FBXL17: variants seen among roughly 807,000 people sequenced by gnomAD.
FBXL17 encodes F-box/LRR-repeat protein 17.
In FBXL17, 22 loss-of-function variants were observed where a neutral mutation model predicts 66.2. That is an observed-to-expected ratio of 0.33 (90% CI 0.24 to 0.47). FBXL17 has a LOEUF of 0.47. Ranked by LOEUF, FBXL17 falls within the 20% of genes least tolerant of loss-of-function variation. The pLI, the probability that FBXL17 is intolerant of heterozygous loss-of-function variation, is 1.00. For missense variants in FBXL17, 878 were observed against 948.2 expected (o/e 0.93, Z 0.97); for synonymous variants, 474 against 400.5 (o/e 1.18, Z -2.19).
chr5:108,276,863 G>C (rs1005209879), intron 4 of FBXL17, among the ~76,000 whole-genome samples: 1 of 151,974 alleles, frequency 6.6e-6, no homozygotes, highest in African/African-American at 2.4e-5. Flanking sequence ...GTCAGAAACA[G>C]AAAATTTCCA....
At chr5:108,327,019 C>A (rs967502734) in intron 4 of FBXL17, among the ~76,000 whole-genome samples, 2 of 152,144 alleles carry the variant, frequency 1.3e-5, no homozygotes, top group African/African-American at 4.8e-5. Flanking sequence ...AAGACTGGTT[C>A]ATGTATGTTC....
At chr5:108,319,699 A>G (rs1759529919) in intron 4 of FBXL17, among the ~76,000 whole-genome samples, 1 of 151,756 alleles carries the variant, frequency 6.6e-6, no homozygotes, top group South Asian at 2.1e-4. Flanking sequence ...ATCTCTCAGA[A>G]AAAAATAAAA....
intron 7 of FBXL17, among the ~76,000 whole-genome samples, chr5:107,919,863 A>G (rs1472491631): frequency 6.6e-6 from 1 of 152,192 alleles, no homozygotes; most frequent in East Asian, 1.9e-4. Flanking sequence ...TACTGACACT[A>G]GAATGCAAGT....
intron 4 of FBXL17, among the ~76,000 whole-genome samples, chr5:108,224,528 TACACACACACACAC>T (rs138044828): frequency 6.8e-6 from 1 of 147,258 alleles, no homozygotes; most frequent in Non-Finnish European, 1.5e-5. Flanking sequence ...TGTATATGTA[TACACACACACACAC>T]ACACACACAC....
At chr5:108,304,864 TG>T (rs1171273506) in intron 4 of FBXL17, among the ~76,000 whole-genome samples, 18 of 152,022 alleles carry the variant, frequency 1.2e-4, no homozygotes. Context: ...ACCTCTTCCT[TG>T]TCCTTCTCTA....
chr5:108,099,620 A>C (rs1421022499), intron 6 of FBXL17, among the ~76,000 whole-genome samples: 2 of 152,164 alleles, frequency 1.3e-5, no homozygotes, highest in African/African-American at 4.8e-5. Flanking sequence ...CCTTGGCCTC[A>C]ACTTACCATC....
At chr5:107,897,389 A>G (rs1749419025) in intron 7 of FBXL17, among the ~76,000 whole-genome samples, 1 of 152,174 alleles carries the variant, frequency 6.6e-6, no homozygotes, top group Non-Finnish European at 1.5e-5. Context: ...GAGCCTTGAA[A>G]GGAAAAGATG....
chr5:108,131,958 T>C (rs143909618), intron 6 of FBXL17, among the ~76,000 whole-genome samples: 89 of 151,152 alleles, frequency 5.9e-4, no homozygotes, highest in African/African-American at 2.1e-3. Context: ...TGAATTATAT[T>C]AACCTTGACT....
intron 7 of FBXL17, among the ~76,000 whole-genome samples, chr5:108,014,714 A>ACC (rs1352094501): frequency 1.3e-5 from 2 of 152,158 alleles, no homozygotes; most frequent in Non-Finnish European, 2.9e-5. Context: ...TTGGGTGAAA[A>ACC]ATCATTTCCA....
chr5:108,035,379 T>A (rs191911840), intron 6 of FBXL17, among the ~76,000 whole-genome samples: 219 of 152,174 alleles, frequency 1.4e-3, no homozygotes, highest in Admixed American at 3.1e-3. Flanking sequence ...GTTTTTTTCT[T>A]TTCTGAGATG....
Position 108,381,426 on chromosome 5 carries a change from C to T in FBXL17, c.266G>A (p.Gly89Glu). The change falls in exon 1 of 9, where the codon GGG (glycine) becomes GAG (glutamate). Residue 89 changes from glycine to glutamate, a missense_variant. By Grantham distance (98) the Gly-to-Glu change is moderately conservative. Transcript: ENST00000542267. Reference sequence around the variant, plus strand: ...AGAGGAGGAGGCGGCAGCGTAGGCCCCGTCCCGCGGCGGCGGCGAGAGCGG... The same window carrying T: ...AGAGGAGGAGGCGGCAGCGTAGGCCTCGTCCCGCGGCGGCGGCGAGAGCGG... ...EPPLSPPPRDGAYAAASSSQH... is the reference protein window; with the variant it reads ...EPPLSPPPRDEAYAAASSSQH... 1.5e-6 allele frequency: 2 copies of T among 1,318,194 alleles called. No homozygotes were observed. The highest frequency in any genetic ancestry group is 1.9e-6 in the Non-Finnish European group (2 of 1,041,866). The allele number at this position is 1,318,194 out of a possible 1,614,324, so 81.7% of individuals were successfully genotyped here.
At chr5:108,351,718 T>A (rs991498643) in intron 3 of FBXL17, among the ~76,000 whole-genome samples, 1 of 152,208 alleles carries the variant, frequency 6.6e-6, no homozygotes, top group Admixed American at 6.5e-5. Flanking sequence ...GTCATACTTA[T>A]CAATTTGATA....
At chr5:108,008,496 A>C (rs894908064) in intron 7 of FBXL17, among the ~76,000 whole-genome samples, 3 of 152,192 alleles carry the variant, frequency 2.0e-5, no homozygotes, top group African/African-American at 7.2e-5. Context: ...GTAGGGCAGA[A>C]ATTTTAAGTT....
intron 6 of FBXL17, among the ~76,000 whole-genome samples, chr5:108,132,627 T>C (rs1361387543): frequency 6.6e-6 from 1 of 152,068 alleles, no homozygotes; most frequent in Non-Finnish European, 1.5e-5. Flanking sequence ...ATGGATTTGA[T>C]TAGCAAGTAC....
Position 108,381,714 on chromosome 5 carries a change from A to G in FBXL17, c.-23T>C. The G allele has an allele frequency of 1.4e-6, 2 of 1,431,134 alleles. No individual in the cohort carries two copies. The highest frequency in any genetic ancestry group is 2.8e-5 in the Admixed American group (1 of 35,294). 88.7% of individuals were successfully genotyped at this position (1,431,134 alleles called of 1,614,324 possible). Reference sequence around the variant, plus strand: ...CATATAGAAGGCCCCGAGGAGGGGGACCGGGACGGGAGGGAGGGAGACCCA... The same window carrying G: ...CATATAGAAGGCCCCGAGGAGGGGGGCCGGGACGGGAGGGAGGGAGACCCA... On this transcript the variant is annotated 5_prime_UTR_variant, in exon 1 of 9. Transcript: ENST00000542267.
chr5:108,373,181 T>C (rs557984414), intron 1 of FBXL17, among the ~76,000 whole-genome samples: 27 of 143,698 alleles, frequency 1.9e-4, no homozygotes, highest in African/African-American at 5.8e-4. Flanking sequence ...TATATACATA[T>C]TCTCACATTA....
intron 5 of FBXL17, among the ~76,000 whole-genome samples, chr5:108,210,021 C>A (rs1394185113): frequency 2.6e-5 from 4 of 152,196 alleles, no homozygotes; most frequent in Admixed American, 2.6e-4. Context: ...AATTCAATTT[C>A]TTCCTCATTT....
chr5:108,089,430 T>C (rs1749105945), intron 6 of FBXL17, among the ~76,000 whole-genome samples: 1 of 152,146 alleles, frequency 6.6e-6, no homozygotes, highest in Non-Finnish European at 1.5e-5. Context: ...AGCACCTATA[T>C]TTCCTTCTAA....
intron 4 of FBXL17, chr5:108,299,050 A>G: frequency 1.6e-5 from 16 of 976,702 alleles, no homozygotes; most frequent in South Asian, 1.4e-4. Context: ...ACATGAGTAC[A>G]TATCTGAACA....
Sources: allele counts gnomAD v4.1 joint callset (sites outside exome capture counted in the v4.1 genomes callset), GRCh38; gene constraint gnomAD v4.1.1; transcripts MANE v1.5; gene names NCBI Gene and HGNC (gene_info 2026-07-23, HGNC 2026-07-21).